The following CRPPA variants were observed in gnomAD, a reference collection of about 807,000 sequenced individuals.
The protein encoded by CRPPA is D-ribitol-5-phosphate cytidylyltransferase.
Under a neutral mutation model 52.0 loss-of-function variants are expected in CRPPA, and 43 were observed. The observed-to-expected ratio is 0.83, with a 90% CI of 0.65 to 1.07. The LOEUF is 1.07. Among genes scored for constraint, CRPPA ranks in the 50% least tolerant of loss-of-function variants. The pLI, the probability that CRPPA is intolerant of heterozygous loss-of-function variation, is 0.00. For synonymous variants in CRPPA, 250 were observed against 203.5 expected (o/e 1.23, Z -1.94); for missense variants, 629 against 551.7 (o/e 1.14, Z -1.40).
rs377610605 is a variant in CRPPA at position 16,330,844 on chromosome 7, C to T, written c.685-22217G>A. The stretch of plus-strand genomic sequence containing the variant: ...TAAACTGCCAAAGGTTTTATCAGAA[C>T]ATAATGAACCTGTGGGAAACAAAAT... On this transcript the variant is annotated intron_variant, in intron 3 of 9. Coordinates refer to ENST00000407010, the MANE Select transcript of CRPPA (RefSeq NM_001101426.4). Among the ~76,000 whole-genome samples, 94 of 152,274 alleles carry T rather than the reference C, an allele frequency of 6.2e-4. 1 individual carries two copies. The South Asian group carries it at 0.019, about 31-fold the overall frequency.
chr7:16,343,115 G>T (rs1269788807), intron 3 of CRPPA, among the ~76,000 whole-genome samples: 1 of 151,832 alleles, frequency 6.6e-6, no homozygotes, highest in African/African-American at 2.4e-5. Context: ...CATTTTACGG[G>T]GACTGAATCA....
chr7:16,097,378 C>A (rs1781957243), intron 9 of CRPPA, among the ~76,000 whole-genome samples: 1 of 151,916 alleles, frequency 6.6e-6, no homozygotes, highest in African/African-American at 2.4e-5. Context: ...TTTTAATTTT[C>A]TAAATTATCA....
chr7:16,356,950 G>C (rs1413058064), intron 3 of CRPPA, among the ~76,000 whole-genome samples: 1 of 152,070 alleles, frequency 6.6e-6, no homozygotes, highest in South Asian at 2.1e-4. Flanking sequence ...GTGGTTCTCT[G>C]GGATATCAAT....
chr7:16,375,471 G>A, intron 3 of CRPPA, among the ~76,000 whole-genome samples: 1 of 152,260 alleles, frequency 6.6e-6, no homozygotes, highest in East Asian at 1.9e-4. Context: ...GAAATTACTT[G>A]ATTTTTAAGT....
chr7:16,367,443 C>T (rs537391338), intron 3 of CRPPA, among the ~76,000 whole-genome samples: 32 of 152,226 alleles, frequency 2.1e-4, no homozygotes, highest in African/African-American at 7.5e-4. Flanking sequence ...AGAAAAGACA[C>T]TTCATAAAAT....
intron 3 of CRPPA, among the ~76,000 whole-genome samples, chr7:16,371,776 C>A (rs1227745904): frequency 6.6e-6 from 1 of 150,886 alleles, no homozygotes; most frequent in Non-Finnish European, 1.5e-5. Context: ...AAGGAGATAC[C>A]AGAGAAAGGT....
chr7:16,332,575 T>A (rs374362635), intron 3 of CRPPA, among the ~76,000 whole-genome samples: 2 of 152,274 alleles, frequency 1.3e-5, no homozygotes, highest in African/African-American at 4.8e-5. Flanking sequence ...TATAGTGTTA[T>A]TTGAAAATAG....
rs1260064033 is a variant in CRPPA at position 16,207,532 on chromosome 7, AAAAC to A, written c.1251+8530_1251+8533del. Among the ~76,000 whole-genome samples, 77 of 152,350 alleles carry A rather than the reference AAAAC, an allele frequency of 5.1e-4. 1 individual carries two copies. The East Asian group carries it at 0.015, about 29-fold the overall frequency. ...TGGATAATTAGTGTTGCATAAAGTG[AAAAC>A]AAACAAAGATATCTCCCTCACTCAC... On this transcript the variant is annotated intron_variant, in intron 9 of 9. Coordinates refer to ENST00000407010, the MANE Select transcript of CRPPA (RefSeq NM_001101426.4).
Position 16,091,693 on chromosome 7 carries a change from C to T in CRPPA, c.*2G>A, listed in dbSNP as rs1160023043. Reference sequence around the variant, plus strand: ...TAGAAAATAGGTAATTTTTTGTGTTCTTCATGCTATCAGAAGCTGACCAAT... The same window carrying T: ...TAGAAAATAGGTAATTTTTTGTGTTTTTCATGCTATCAGAAGCTGACCAAT... On this transcript the variant is annotated 3_prime_UTR_variant, in exon 10 of 10. Coordinates refer to ENST00000407010, the MANE Select transcript of CRPPA (RefSeq NM_001101426.4). 1 of 1,518,298 alleles carries T rather than the reference C, an allele frequency of 6.6e-7. No individual in the cohort carries two copies. The highest frequency in any genetic ancestry group is 1.4e-5 in the African/African-American group (1 of 72,338). The allele number at this position is 1,518,298 out of a possible 1,614,324, so 94.1% of individuals were successfully genotyped here. A position where few individuals can be genotyped will look rare whatever the true frequency, so the allele number is the denominator to read the frequency against.
intron 1 of CRPPA, among the ~76,000 whole-genome samples, chr7:16,409,295 GAAACTA>G (rs1383971389): frequency 7.2e-5 from 11 of 152,322 alleles, no homozygotes; most frequent in South Asian, 2.1e-4. Flanking sequence ...ACAGCTCAGT[GAAACTA>G]AATTGAGACT....
chr7:16,369,356 A>G (rs1786689390), intron 3 of CRPPA, among the ~76,000 whole-genome samples: 1 of 152,164 alleles, frequency 6.6e-6, no homozygotes, highest in East Asian at 1.9e-4. Flanking sequence ...CTTCTATACA[A>G]TGTCTGGAAT....
At chr7:16,287,532 C>T (rs1025113846) in intron 5 of CRPPA, among the ~76,000 whole-genome samples, 1 of 152,106 alleles carries the variant, frequency 6.6e-6, no homozygotes, top group Non-Finnish European at 1.5e-5. Flanking sequence ...CACCAGTATA[C>T]CTCAGAACGT....
At chr7:16,270,591 T>A (rs1562599040) in intron 6 of CRPPA, 1 of 152,116 alleles carries the variant, frequency 6.6e-6, no homozygotes, top group East Asian at 1.9e-4. Context: ...ACCAAATAAA[T>A]CAAATGGATT....
chr7:16,209,930 A>T (rs992947092), intron 9 of CRPPA, among the ~76,000 whole-genome samples: 17 of 152,220 alleles, frequency 1.1e-4, no homozygotes, highest in African/African-American at 3.1e-4. Flanking sequence ...TTTCAATATT[A>T]CATCCACATT....
At chr7:16,390,287 A>T (rs1787409044) in intron 2 of CRPPA, among the ~76,000 whole-genome samples, 1 of 152,062 alleles carries the variant, frequency 6.6e-6, no homozygotes, top group African/African-American at 2.4e-5. Flanking sequence ...TTCGATATAT[A>T]TCTTCTTCCA....
intron 8 of CRPPA, among the ~76,000 whole-genome samples, chr7:16,255,888 G>A (rs117897285): frequency 0.12 from 17,934 of 152,152 alleles, 1,092 homozygotes; most frequent in Non-Finnish European, 0.15. Flanking sequence ...GATGGGCAAA[G>A]TCTTCATGAC....
chr7:16,281,229 C>A (rs888968016), intron 5 of CRPPA, among the ~76,000 whole-genome samples: 1 of 152,090 alleles, frequency 6.6e-6, no homozygotes, highest in Admixed American at 6.5e-5. Context: ...GTCCTGAAAT[C>A]TTTGTTTCAA....
intron 1 of CRPPA, among the ~76,000 whole-genome samples, chr7:16,409,539 C>T (rs994504239): frequency 5.3e-5 from 8 of 152,038 alleles, no homozygotes; most frequent in African/African-American, 1.7e-4. Context: ...TTGTATATGG[C>T]GTTTTAGAGA....
intron 3 of CRPPA, among the ~76,000 whole-genome samples, chr7:16,330,908 G>A (rs1785534032): frequency 1.3e-5 from 2 of 151,990 alleles, no homozygotes; most frequent in Admixed American, 1.3e-4. Context: ...GTGGGAGAAG[G>A]GACACACCCA....
Sources: gnomAD v4.1 joint callset for allele counts (sites outside exome capture counted in the v4.1 genomes callset) on GRCh38, gnomAD v4.1.1 for gene constraint, MANE v1.5 for transcripts, NCBI Gene and HGNC (gene_info 2026-07-23, HGNC 2026-07-21) for gene names.